MDGA2: variants seen among roughly 807,000 people sequenced by gnomAD.
MDGA2 encodes MAM domain-containing glycosylphosphatidylinositol anchor protein 2.
In MDGA2, 40 loss-of-function variants were observed where a neutral mutation model predicts 117.8. The observed-to-expected ratio is 0.34, with a 90% confidence interval of 0.26 to 0.44. MDGA2 has a LOEUF of 0.44. Among genes scored for constraint, MDGA2 ranks in the 20% least tolerant of loss-of-function variants. The probability of loss-of-function intolerance (pLI) is 1.00; values close to 1 mark genes in which losing one functional copy is unlikely to be tolerated. For synonymous variants in MDGA2, 452 were observed against 439.0 expected, an observed-to-expected ratio of 1.03 and a Z score of -0.37; for missense variants, 1,123 against 1,250.6, an observed-to-expected ratio of 0.90 and a Z score of 1.54.
chr14:47,397,985 T>C (rs1594836646), intron 1 of MDGA2, among the ~76,000 whole-genome samples: 1 of 152,198 alleles, frequency 6.6e-6, no homozygotes, highest in Admixed American at 6.5e-5. Context: ...AGAACTTTCA[T>C]ATATTTTCAT....
chr14:46,842,031 G>A lies in MDGA2; in HGVS notation c.2990-12C>T, dbSNP rs1880636552. 2 of 1,584,752 alleles carry A rather than the reference G, an allele frequency of 1.3e-6. No homozygotes were observed. The highest frequency in any genetic ancestry group is 1.3e-5 in the African/African-American group (1 of 74,122). On this transcript the variant is annotated splice_polypyrimidine_tract_variant and intron_variant, in intron 16 of 16. Transcript: ENST00000399232. ...ACCATCAACGGAATCTAAAGATAAG[G>A]AAAATAAATGCAAACAAAAAAAGAA... is the stretch of plus-strand genomic sequence containing the variant.
At chr14:46,993,417 A>G (rs1456481359) in intron 8 of MDGA2, among the ~76,000 whole-genome samples, 1 of 151,932 alleles carries the variant, frequency 6.6e-6, no homozygotes, top group Non-Finnish European at 1.5e-5. Flanking sequence ...AATAATACTT[A>G]TTATACATTT....
intron 1 of MDGA2, chr14:47,343,041 T>G (rs1336313438): frequency 1.6e-6 from 2 of 1,282,910 alleles, no homozygotes; most frequent in African/African-American, 3.0e-5. Context: ...CAGGCAGCAC[T>G]ACCGTGAGTC....
At chr14:47,155,882 CTTCTTCTTTTTTTTTTTT>C (rs1883351590) in intron 3 of MDGA2, among the ~76,000 whole-genome samples, 1 of 38,820 alleles carries the variant, frequency 2.6e-5, no homozygotes, top group Non-Finnish European at 4.5e-5. Context: ...TTTTCTTCTT[CTTCTTCTTTTTTTTTTTT>C]TTTTTTTTTT....
chr14:47,509,812 A>G (rs1290181807), intron 1 of MDGA2, among the ~76,000 whole-genome samples: 1 of 152,230 alleles, frequency 6.6e-6, no homozygotes, highest in Non-Finnish European at 1.5e-5. Context: ...TGGAAACATA[A>G]CATGTTTAAT....
At chr14:47,110,710 T>C (rs1030866738) in intron 5 of MDGA2, among the ~76,000 whole-genome samples, 1 of 152,166 alleles carries the variant, frequency 6.6e-6, no homozygotes, top group Non-Finnish European at 1.5e-5. Flanking sequence ...TTCTAAAAAG[T>C]GAGAAAATTC....
chr14:47,568,852 C>T (rs1398798315), intron 1 of MDGA2, among the ~76,000 whole-genome samples: 2 of 151,772 alleles, frequency 1.3e-5, no homozygotes, highest in African/African-American at 2.4e-5. Context: ...TTTAAGTTTG[C>T]ACTGATGTTT....
At chr14:47,475,052 C>T (rs774504319) in intron 1 of MDGA2, among the ~76,000 whole-genome samples, 1 of 152,094 alleles carries the variant, frequency 6.6e-6, no homozygotes. Flanking sequence ...AGATGACCTA[C>T]AGAATGGGAG....
At chr14:47,039,928 C>A (rs1010728794) in intron 7 of MDGA2, among the ~76,000 whole-genome samples, 2 of 152,034 alleles carry the variant, frequency 1.3e-5, no homozygotes, top group African/African-American at 4.8e-5. Flanking sequence ...CACACACACA[C>A]AAGTAACTAT....
At chr14:46,911,849 T>G (rs1883717331) in intron 10 of MDGA2, among the ~76,000 whole-genome samples, 2 of 152,284 alleles carry the variant, frequency 1.3e-5, no homozygotes, top group Non-Finnish European at 2.9e-5. Context: ...ACAAGGAAGA[T>G]AATTATTACC....
chr14:46,995,229 A>T (rs1022167953), intron 8 of MDGA2, among the ~76,000 whole-genome samples: 1 of 152,172 alleles, frequency 6.6e-6, no homozygotes, highest in Non-Finnish European at 1.5e-5. Context: ...ACTGGCTATC[A>T]CATCAATGTC....
At chr14:47,163,275 A>G (rs1883717202) in intron 3 of MDGA2, among the ~76,000 whole-genome samples, 1 of 152,140 alleles carries the variant, frequency 6.6e-6, no homozygotes. Flanking sequence ...GACAGAGAAC[A>G]CTTTCCCAAC....
intron 8 of MDGA2, among the ~76,000 whole-genome samples, chr14:46,963,031 A>T (rs1207912620): frequency 1.3e-5 from 2 of 152,058 alleles, no homozygotes; most frequent in Admixed American, 1.3e-4. Context: ...TAAAATATAT[A>T]TTTTTTCTTT....
At chr14:47,071,037 A>G (rs1213974591) in intron 6 of MDGA2, among the ~76,000 whole-genome samples, 4 of 152,262 alleles carry the variant, frequency 2.6e-5, no homozygotes, top group African/African-American at 9.6e-5. Context: ...TTTAACAAGC[A>G]TCCAATGTAA....
Position 47,289,938 on chromosome 14 carries a change from C to A in MDGA2, c.420+11473G>T, listed in dbSNP as rs117847248. Among the ~76,000 whole-genome samples, 362 of 152,174 alleles carry A rather than the reference C, an allele frequency of 2.4e-3. 10 individuals are homozygous for A. In the East Asian group the frequency reaches 0.059, roughly 25 times the overall value. Reference sequence around the variant, plus strand: ...GAGCTCCCACATGATCCAATTTTGACCATCAGAAAATGTGAGTGGCAAAGT... The same window carrying A: ...GAGCTCCCACATGATCCAATTTTGAACATCAGAAAATGTGAGTGGCAAAGT... On this transcript the variant is annotated intron_variant, in intron 2 of 16. Coordinates refer to ENST00000399232, the MANE Select transcript of MDGA2 (RefSeq NM_001113498.3).
rs568106955 is a variant in MDGA2 at position 47,249,892 on chromosome 14, G to A, written c.421-31697C>T. ...GTGTTGATAACTAGAGAAGGTAATA[G>A]GAGACAATACATCTGTAACCTGTCA... On this transcript the variant is annotated intron_variant, in intron 2 of 16. Transcript: ENST00000399232. 2.7e-3 allele frequency among the ~76,000 whole-genome samples: 413 copies of A among 152,252 alleles called. 2 individuals are homozygous for A. Among genetic ancestry groups the A allele is most frequent in the South Asian group, 0.017 (83 of 4,822 alleles).
intron 5 of MDGA2, among the ~76,000 whole-genome samples, chr14:47,123,647 T>C (rs10400775): frequency 0.025 from 3,840 of 152,120 alleles, 151 homozygotes; most frequent in African/African-American, 0.088. Flanking sequence ...TCCTAATAGG[T>C]TAGATATAAA....
chr14:46,929,634 TA>T lies in MDGA2; in HGVS notation c.2090-9475del, dbSNP rs1566530340. ...ATATATATATATATATATATATATA[TA>T]TATATATATATACATTTTTTTTTTT... is the stretch of plus-strand genomic sequence containing the variant. On this transcript the variant is annotated intron_variant, in intron 9 of 16. Transcript: ENST00000399232. Among the ~76,000 whole-genome samples, 30 of 40,212 alleles carry T rather than the reference TA, an allele frequency of 7.5e-4. 1 individual carries two copies. The highest frequency in any genetic ancestry group is 1.9e-3 in the South Asian group (2 of 1,078). The allele number at this position is 40,212 out of a possible 152,430, so 26.4% of individuals were successfully genotyped here.
At chr14:46,920,780 C>T (rs1262890709) in intron 9 of MDGA2, among the ~76,000 whole-genome samples, 5 of 152,126 alleles carry the variant, frequency 3.3e-5, no homozygotes, top group East Asian at 3.9e-4. Context: ...AGAGGTATTT[C>T]GGGAAGTGAG....
Sources: gnomAD v4.1 joint callset for allele counts (sites outside exome capture counted in the v4.1 genomes callset) on GRCh38, gnomAD v4.1.1 for gene constraint, MANE v1.5 for transcripts, NCBI Gene and HGNC (gene_info 2026-07-23, HGNC 2026-07-21) for gene names.